The following RABGEF1 variants were observed in gnomAD, a reference collection of about 807,000 sequenced individuals.
RABGEF1 encodes RAB guanine nucleotide exchange factor 1, also known as rab5 GDP/GTP exchange factor.
A neutral mutation model predicts 57.3 loss-of-function variants in RABGEF1; 26 were observed. That is an observed-to-expected ratio of 0.45 (90% confidence interval 0.33 to 0.63). The LOEUF (loss-of-function observed/expected upper bound fraction) is 0.63. Among genes scored for constraint, RABGEF1 ranks in the 20% least tolerant of loss-of-function variants. The pLI is 0.02. For missense variants in RABGEF1, 464 were observed against 607.6 expected (o/e 0.76, Z 2.48); for synonymous variants, 185 against 210.7 (o/e 0.88, Z 1.06).
intron 1 of RABGEF1, among the ~76,000 whole-genome samples, chr7:66,684,710 C>G (rs533213466): frequency 3.3e-4 from 50 of 152,240 alleles, no homozygotes; most frequent in Middle Eastern, 6.8e-3. Flanking sequence ...TCTTGGCTCA[C>G]TGCAAGCTCC....
At chr7:66,690,333 T>C (rs917358454) in intron 1 of RABGEF1, among the ~76,000 whole-genome samples, 2 of 150,904 alleles carry the variant, frequency 1.3e-5, no homozygotes, top group Non-Finnish European at 3.0e-5. Flanking sequence ...ACTCCTGACC[T>C]CGTGATCCAC....
rs570221432 is a variant in RABGEF1, at chr7:66,810,633, A to G, written c.*1349A>G. ...TTTTCTTATCTCAGTGGAACCTTCT[A>G]TAACCTAAATATACCATTGATGATT... On this transcript the variant is annotated 3_prime_UTR_variant, in exon 9 of 9. Coordinates refer to ENST00000284957, the MANE Select transcript of RABGEF1 (RefSeq NM_014504.3). 1 of 152,360 alleles carries G rather than the reference A, an allele frequency of 6.6e-6. No homozygotes were observed. Among genetic ancestry groups the G allele is most frequent in the Non-Finnish European group, 1.5e-5 (1 of 68,022 alleles). 9.4% of individuals were successfully genotyped at this position (152,360 alleles called of 1,614,324 possible).
In RABGEF1 at chr7:66,811,310, A is replaced by G. The variant is rs1198347582; in HGVS notation, c.*2026A>G. ...ACTCTTGCCTTATATAGAGGCTTCT[A>G]TTTCTCTTAAGTCAGCATCAATACA... On this transcript the variant is annotated 3_prime_UTR_variant, in exon 9 of 9. Coordinates refer to ENST00000284957, the MANE Select transcript of RABGEF1 (RefSeq NM_014504.3). 1.3e-5 allele frequency: 2 copies of G among 151,996 alleles called. No homozygotes were observed. Among genetic ancestry groups the G allele is most frequent in the South Asian group, 2.1e-4 (1 of 4,830 alleles). 9.4% of individuals were successfully genotyped at this position (151,996 alleles called of 1,614,324 possible).
intron 1 of RABGEF1, among the ~76,000 whole-genome samples, chr7:66,761,098 CTG>C (rs1804216251): frequency 6.6e-6 from 1 of 152,200 alleles, no homozygotes; most frequent in East Asian, 1.9e-4. Flanking sequence ...ACCCCTCAAA[CTG>C]TGTTTTTCCT....
At chr7:66,746,138 A>C (rs561089285) in intron 1 of RABGEF1, among the ~76,000 whole-genome samples, 3 of 152,280 alleles carry the variant, frequency 2.0e-5, no homozygotes, top group African/African-American at 7.2e-5. Flanking sequence ...TATCCCACTT[A>C]ATATTATTTA....
chr7:66,728,834 TCACCTA>T (rs887267976), intron 2 of RABGEF1, among the ~76,000 whole-genome samples: 5 of 150,678 alleles, frequency 3.3e-5, no homozygotes, highest in South Asian at 2.1e-4. Flanking sequence ...AAGACCACCT[TCACCTA>T]CACCTACACG....
intron 3 of RABGEF1, among the ~76,000 whole-genome samples, chr7:66,781,281 G>T (rs1453266473): frequency 6.7e-6 from 1 of 149,570 alleles, no homozygotes; most frequent in East Asian, 1.9e-4. Context: ...ATAGAAAAAA[G>T]AAAAAAAAAT....
chr7:66,700,306 C>T (rs767019321), intron 1 of RABGEF1, among the ~76,000 whole-genome samples: 2 of 152,248 alleles, frequency 1.3e-5, no homozygotes, highest in African/African-American at 2.4e-5. Flanking sequence ...AAAAGTCCAT[C>T]GGCCTGAGCT....
intron 1 of RABGEF1, among the ~76,000 whole-genome samples, chr7:66,745,019 C>A (rs1031674719): frequency 4.2e-4 from 63 of 151,612 alleles, no homozygotes; most frequent in Admixed American, 1.3e-4. Flanking sequence ...GGTAAAACCC[C>A]ATCTCTAATA....
At chr7:66,779,654 A>G (rs1809389975) in intron 3 of RABGEF1, among the ~76,000 whole-genome samples, 1 of 151,212 alleles carries the variant, frequency 6.6e-6, no homozygotes, top group South Asian at 2.1e-4. Flanking sequence ...CCTGGGTGAC[A>G]GAGCGAGACC....
At chr7:66,771,127 T>C (rs549329147) in intron 1 of RABGEF1, among the ~76,000 whole-genome samples, 5 of 152,142 alleles carry the variant, frequency 3.3e-5, no homozygotes, top group South Asian at 2.1e-4. Context: ...TTTGCAGATA[T>C]TTAATTTTTA....
intron 2 of RABGEF1, among the ~76,000 whole-genome samples, chr7:66,733,023 TA>T (rs1797519631): frequency 6.6e-6 from 1 of 152,142 alleles, no homozygotes; most frequent in African/African-American, 2.4e-5. Context: ...GCTCCCTATA[TA>T]ATGCAGAGAA....
rs558344829 is a variant in RABGEF1, at chr7:66,721,863, G to T, written c.-815+9639G>T. Among the ~76,000 whole-genome samples, 25 of 152,224 alleles carry T rather than the reference G, an allele frequency of 1.6e-4. No homozygotes were observed. The South Asian group carries it at 4.8e-3, about 29-fold the overall frequency. ...CTTCCTTGGTGCTTTGAAACAGAAA[G>T]TTTTTGGCCAAGTGGGGTGGCTTAT... On this transcript the variant is annotated intron_variant and NMD_transcript_variant, in intron 2 of 9. Transcript: ENST00000607882.
intron 1 of RABGEF1, among the ~76,000 whole-genome samples, chr7:66,766,423 G>A (rs1805725956): frequency 6.6e-6 from 1 of 151,894 alleles, no homozygotes. Context: ...ATAGGATGTA[G>A]TAGATGGTCT....
At chr7:66,660,163 C>T in the RABGEF1 span, among the ~76,000 whole-genome samples, 4 of 151,622 alleles carry the variant, frequency 2.6e-5, no homozygotes, top group African/African-American at 9.7e-5. Context: ...CTGGCTAACA[C>T]GGTGAAACCC....
the RABGEF1 span, chr7:66,669,969 A>T: frequency 6.6e-6 from 1 of 152,202 alleles, no homozygotes; most frequent in East Asian, 1.9e-4. Flanking sequence ...TTGGCCCTGG[A>T]GGCCAGCACA....
At chr7:66,700,762 C>T (rs765591224) in intron 1 of RABGEF1, among the ~76,000 whole-genome samples, 81 of 152,348 alleles carry the variant, frequency 5.3e-4, no homozygotes, top group Middle Eastern at 3.4e-3. Flanking sequence ...TGTCTCTTTC[C>T]ATCCAGGGCC....
At chr7:66,686,823 T>C (rs1790708829) in intron 1 of RABGEF1, among the ~76,000 whole-genome samples, 1 of 151,660 alleles carries the variant, frequency 6.6e-6, no homozygotes, top group Admixed American at 6.6e-5. Context: ...CTTTTTTTTC[T>C]TTTTCTTTTT....
intron 1 of RABGEF1, among the ~76,000 whole-genome samples, chr7:66,682,686 C>G (rs181145066): frequency 9.1e-4 from 118 of 129,600 alleles, no homozygotes; most frequent in Non-Finnish European, 6.6e-4. Flanking sequence ...CGCTCGGACC[C>G]AGACCACAGC....
Sources: allele counts gnomAD v4.1 joint callset (sites outside exome capture counted in the v4.1 genomes callset), GRCh38; gene constraint gnomAD v4.1.1; transcripts MANE v1.5; gene names NCBI Gene and HGNC (gene_info 2026-07-23, HGNC 2026-07-21).